RALYL: variants seen among roughly 807,000 people sequenced by gnomAD.
RALYL encodes the protein RNA-binding Raly-like protein.
Under a neutral mutation model 35.1 loss-of-function variants are expected in RALYL, and 29 were observed. The ratio of observed to expected loss-of-function variants is 0.83; its 90% CI spans 0.61 to 1.13. RALYL has a LOEUF of 1.13. RALYL is among the 50% of genes most tolerant of loss of function. The probability of loss-of-function intolerance (pLI) is 0.00; values close to 1 mark genes in which losing one functional copy is unlikely to be tolerated. For missense variants in RALYL, 359 were observed against 360.4 expected (o/e 1.00, Z 0.03); for synonymous variants, 120 against 127.6 (o/e 0.94, Z 0.40).
chr8:84,493,634 G>A (rs1422494364), intron 1 of RALYL, among the ~76,000 whole-genome samples: 1 of 152,068 alleles, frequency 6.6e-6, no homozygotes, highest in African/African-American at 2.4e-5. Flanking sequence ...GTATCTCGTT[G>A]TGGTTTTGAT....
At chr8:84,623,685 G>A (rs1355231513) in intron 2 of RALYL, among the ~76,000 whole-genome samples, 1 of 152,102 alleles carries the variant, frequency 6.6e-6, no homozygotes, top group Non-Finnish European at 1.5e-5. Context: ...ATAGGAGCAG[G>A]AAAATCATGT....
intron 2 of RALYL, among the ~76,000 whole-genome samples, chr8:84,623,690 T>C (rs540737745): frequency 6.6e-6 from 1 of 151,996 alleles, no homozygotes; most frequent in Non-Finnish European, 1.5e-5. Context: ...AGCAGGAAAA[T>C]CATGTGGGAG....
chr8:84,419,066 A>G (rs1005985245), intron 1 of RALYL, among the ~76,000 whole-genome samples: 3 of 152,128 alleles, frequency 2.0e-5, no homozygotes, highest in Admixed American at 1.3e-4. Flanking sequence ...TCCGTATGTA[A>G]AAAAGATAAG....
chr8:84,419,617 A>G (rs1422266549), intron 1 of RALYL, among the ~76,000 whole-genome samples: 1 of 151,016 alleles, frequency 6.6e-6, no homozygotes, highest in East Asian at 2.0e-4. Context: ...ACATATGTAT[A>G]CATGTGCCAT....
At chr8:84,429,600 G>T (rs1313132419) in intron 1 of RALYL, among the ~76,000 whole-genome samples, 3 of 151,892 alleles carry the variant, frequency 2.0e-5, no homozygotes, top group Non-Finnish European at 4.4e-5. Flanking sequence ...TATTTCTGCG[G>T]TGGTTGACTT....
chr8:84,709,034 G>A (rs1005442309), intron 2 of RALYL, among the ~76,000 whole-genome samples: 1 of 151,984 alleles, frequency 6.6e-6, no homozygotes, highest in Non-Finnish European at 1.5e-5. Flanking sequence ...TGAGCTTATC[G>A]ACCTTATCCA....
At chr8:84,527,460 A>G (rs1189703545) in intron 1 of RALYL, among the ~76,000 whole-genome samples, 3 of 152,214 alleles carry the variant, frequency 2.0e-5, no homozygotes, top group Admixed American at 1.3e-4. Context: ...AGGAAATAAA[A>G]TGTCAACTAT....
chr8:84,841,826 A>G (rs1401218037), intron 4 of RALYL, among the ~76,000 whole-genome samples: 7 of 152,100 alleles, frequency 4.6e-5, no homozygotes, highest in African/African-American at 1.2e-4. Context: ...ACTCAAAACC[A>G]CTCAACTACA....
chr8:84,314,723 C>A (rs890421173), intron 1 of RALYL, among the ~76,000 whole-genome samples: 1 of 152,056 alleles, frequency 6.6e-6, no homozygotes, highest in Non-Finnish European at 1.5e-5. Flanking sequence ...CAAAGTGAGA[C>A]CCCATCGTTA....
rs529422647 is a variant in RALYL, at chr8:84,339,603, C to T, written c.-24+155179C>T. Reference sequence around the variant, plus strand: ...ATAATAATAGAAATAAAGTGTACAACACATGTAATGTTCTTGAATTATCCT... The same window carrying T: ...ATAATAATAGAAATAAAGTGTACAATACATGTAATGTTCTTGAATTATCCT... On this transcript the variant is annotated intron_variant, in intron 1 of 8. Coordinates refer to ENST00000521268, the MANE Select transcript of RALYL (RefSeq NM_173848.7). Among the ~76,000 whole-genome samples, 83 of 151,958 alleles carry T rather than the reference C, an allele frequency of 5.5e-4. 1 individual carries two copies. Among genetic ancestry groups the T allele is most frequent in the Middle Eastern group, 3.4e-3 (1 of 294 alleles).
At chr8:84,403,415 A>G (rs2043121294) in intron 1 of RALYL, among the ~76,000 whole-genome samples, 1 of 151,708 alleles carries the variant, frequency 6.6e-6, no homozygotes, top group Admixed American at 6.6e-5. Context: ...TTAAATAGGG[A>G]ATACTTACCC....
intron 1 of RALYL, among the ~76,000 whole-genome samples, chr8:84,223,091 T>G (rs929784438): frequency 1.8e-5 from 1 of 56,002 alleles, no homozygotes; most frequent in East Asian, 4.6e-4. Flanking sequence ...GCCTTTCCTT[T>G]CCTTTCCTTT....
At chr8:84,713,060 T>G (rs1419145547) in intron 2 of RALYL, among the ~76,000 whole-genome samples, 1 of 152,114 alleles carries the variant, frequency 6.6e-6, no homozygotes, top group East Asian at 1.9e-4. Flanking sequence ...AAGCTTTTCT[T>G]CTATGTTTTC....
At chr8:84,275,354 T>C (rs1185191767) in intron 1 of RALYL, among the ~76,000 whole-genome samples, 2 of 152,076 alleles carry the variant, frequency 1.3e-5, no homozygotes, top group African/African-American at 4.8e-5. Flanking sequence ...GCTGCCAATA[T>C]TAAATTCGGA....
chr8:84,403,524 G>GTTTT (rs769845435), intron 1 of RALYL, among the ~76,000 whole-genome samples: 872 of 39,444 alleles, frequency 0.022, 230 homozygotes, highest in Non-Finnish European at 0.035. Context: ...CTATATCTCT[G>GTTTT]TTTTTTTTTT....
chr8:84,741,780 T>C (rs531873108), intron 2 of RALYL, among the ~76,000 whole-genome samples: 6 of 152,034 alleles, frequency 3.9e-5, no homozygotes, highest in Non-Finnish European at 8.8e-5. Context: ...CTCCAGAGTG[T>C]ATAAACCTTT....
At chr8:84,195,900 GTTTGCACCTTTGTA>G (rs1231704824) in intron 1 of RALYL, among the ~76,000 whole-genome samples, 7 of 152,154 alleles carry the variant, frequency 4.6e-5, no homozygotes, top group Non-Finnish European at 8.8e-5. Flanking sequence ...ATTAACATGA[GTTTGCACCTTTGTA>G]TTTATCCTTA....
chr8:84,840,303 C>A (rs1350023316), intron 4 of RALYL, among the ~76,000 whole-genome samples: 2 of 152,054 alleles, frequency 1.3e-5, no homozygotes, highest in South Asian at 2.1e-4. Context: ...AACCAAGGCA[C>A]CAGAACTACG....
intron 1 of RALYL, among the ~76,000 whole-genome samples, chr8:84,339,133 G>A (rs1848329295): frequency 6.6e-6 from 1 of 151,990 alleles, no homozygotes; most frequent in Non-Finnish European, 1.5e-5. Flanking sequence ...TGTCCCATTT[G>A]TACACATGAG....
Sources: allele counts gnomAD v4.1 joint callset (sites outside exome capture counted in the v4.1 genomes callset), GRCh38; gene constraint gnomAD v4.1.1; transcripts MANE v1.5; gene names NCBI Gene and HGNC (gene_info 2026-07-23, HGNC 2026-07-21).